The following RBFOX3 variants were observed in gnomAD, a reference collection of about 807,000 sequenced individuals.
RBFOX3 encodes RNA binding fox-1 homolog 3.
In RBFOX3, 17 loss-of-function variants were observed where a neutral mutation model predicts 48.7. That is an observed-to-expected ratio of 0.35 (90% CI 0.24 to 0.52). The LOEUF (loss-of-function observed/expected upper bound fraction) is 0.52. RBFOX3 is among the 20% of genes least tolerant of loss of function. RBFOX3 has a pLI of 0.94. For synonymous variants in RBFOX3, 212 were observed against 209.5 expected (o/e 1.01, Z -0.10); for missense variants, 382 against 497.5 (o/e 0.77, Z 2.21).
In RBFOX3 at chr17:79,392,417, C is replaced by T. The variant is rs546211420; in HGVS notation, c.-174-84593G>A. Among the ~76,000 whole-genome samples, 40 of 152,246 alleles carry T rather than the reference C, an allele frequency of 2.6e-4. No individual in the cohort carries two copies. The highest frequency in any genetic ancestry group is 9.6e-4 in the African/African-American group (40 of 41,552). The stretch of plus-strand genomic sequence containing the variant: ...AAGCTAACTCTCACACGGTAGTGAG[C>T]GCAGGGCCCGGCCACTCACAGGTGC... On this transcript the variant is annotated intron_variant, in intron 2 of 14. Coordinates refer to ENST00000693108, the MANE Select transcript of RBFOX3 (RefSeq NM_001350451.2). The surrounding 1 kb of genome is among the most constrained non-coding windows in gnomAD (Gnocchi z 5.0).
intron 3 of RBFOX3, among the ~76,000 whole-genome samples, chr17:79,241,580 C>G (rs894682934): frequency 1.3e-5 from 2 of 152,270 alleles, no homozygotes; most frequent in Non-Finnish European, 1.5e-5. Context: ...CCACTGTGAC[C>G]ACGTGGAACT....
the RBFOX3 span, among the ~76,000 whole-genome samples, chr17:79,638,314 TTTTTTTA>T: frequency 5.3e-5 from 5 of 93,758 alleles, no homozygotes; most frequent in Non-Finnish European, 1.3e-4. Context: ...GTTTTTTTTT[TTTTTTTA>T]AATAAAATAA....
At chr17:79,267,321 G>T (rs906294233) in intron 3 of RBFOX3, among the ~76,000 whole-genome samples, 1 of 152,160 alleles carries the variant, frequency 6.6e-6, no homozygotes, top group African/African-American at 2.4e-5. Context: ...GTGATGGGAT[G>T]GATGATCTCC....
At chr17:79,453,829 C>T (rs752076110) in intron 2 of RBFOX3, among the ~76,000 whole-genome samples, 14 of 152,074 alleles carry the variant, frequency 9.2e-5, no homozygotes, top group Non-Finnish European at 1.3e-4. Flanking sequence ...CAGCCTGACA[C>T]GCAGGCATGA....
At chr17:79,526,367 C>T (rs2086798807) in intron 1 of RBFOX3, among the ~76,000 whole-genome samples, 1 of 152,224 alleles carries the variant, frequency 6.6e-6, no homozygotes, top group Non-Finnish European at 1.5e-5. Flanking sequence ...AAGTGGCTTC[C>T]TTCCCAAAAG....
intron 2 of RBFOX3, among the ~76,000 whole-genome samples, chr17:79,407,046 G>C (rs566699212): frequency 6.6e-6 from 1 of 152,250 alleles, no homozygotes; most frequent in Admixed American, 6.5e-5. Context: ...TTTCGCTCTT[G>C]TCGCCCAGGC....
intron 4 of RBFOX3, among the ~76,000 whole-genome samples, chr17:79,161,924 T>C (rs1417949447): frequency 1.3e-5 from 2 of 152,172 alleles, no homozygotes; most frequent in Non-Finnish European, 2.9e-5. Context: ...CAGGGCCTCC[T>C]GCCACAATCA....
chr17:79,374,701 C>G (rs1264856057), intron 2 of RBFOX3, among the ~76,000 whole-genome samples: 2 of 152,180 alleles, frequency 1.3e-5, no homozygotes, highest in Non-Finnish European at 2.9e-5. Flanking sequence ...TGTAGGTGTG[C>G]CTGGCTTTTA....
chr17:79,341,076 C>A (rs1275359048), intron 2 of RBFOX3, among the ~76,000 whole-genome samples: 1 of 152,206 alleles, frequency 6.6e-6, no homozygotes, highest in African/African-American at 2.4e-5. Context: ...GATTCAAATA[C>A]CTCTGAGTGT....
chr17:79,187,320 G>T (rs374477517), intron 4 of RBFOX3, among the ~76,000 whole-genome samples: 68 of 152,256 alleles, frequency 4.5e-4, no homozygotes, highest in African/African-American at 1.4e-3. Flanking sequence ...CCTTCCAGGC[G>T]CCCAGGCCGA....
At chr17:79,332,695 C>CAG (rs113874902) in intron 2 of RBFOX3, among the ~76,000 whole-genome samples, 1 of 129,062 alleles carries the variant, frequency 7.7e-6, no homozygotes, top group East Asian at 2.6e-4. Context: ...GAGACGGAGA[C>CAG]AGAGAGAGAG....
At chr17:79,097,596 T>G in intron 10 of RBFOX3, 96 bp downstream of exon 10, 3 of 1,257,008 alleles carry the variant, frequency 2.4e-6, no homozygotes, top group Admixed American at 2.9e-5. Flanking sequence ...ACGGCCCACC[T>G]GGCCCCGCCC....
intron 2 of RBFOX3, among the ~76,000 whole-genome samples, chr17:79,386,241 C>G (rs1366865404): frequency 6.6e-6 from 1 of 151,652 alleles, no homozygotes; most frequent in African/African-American, 2.4e-5. Flanking sequence ...CCATTGCAGA[C>G]AGGAACCTCC....
chr17:79,131,121 G>A (rs1299594789), intron 4 of RBFOX3, among the ~76,000 whole-genome samples: 1 of 151,552 alleles, frequency 6.6e-6, no homozygotes, highest in African/African-American at 2.4e-5. Flanking sequence ...TGTGCGCCCC[G>A]TGTGTGCTGT....
At chr17:79,415,956 T>C (rs903907637) in intron 2 of RBFOX3, among the ~76,000 whole-genome samples, 1 of 151,744 alleles carries the variant, frequency 6.6e-6, no homozygotes, top group African/African-American at 2.4e-5. Context: ...ACTCTGAGAG[T>C]CTCTGCTCCC....
intron 2 of RBFOX3, among the ~76,000 whole-genome samples, chr17:79,463,564 C>T (rs2075827722): frequency 6.8e-6 from 1 of 147,786 alleles, no homozygotes; most frequent in African/African-American, 2.5e-5. Flanking sequence ...CTGACACCTC[C>T]ACCACCATCG....
chr17:79,527,527 C>A (rs1183231139), intron 1 of RBFOX3, among the ~76,000 whole-genome samples: 1 of 152,348 alleles, frequency 6.6e-6, no homozygotes, highest in East Asian at 1.9e-4. Context: ...CTTTGTCTCT[C>A]TCGTGTCTAT....
chr17:79,467,827 G>C (rs1186031070), intron 2 of RBFOX3, among the ~76,000 whole-genome samples: 1 of 152,030 alleles, frequency 6.6e-6, no homozygotes, highest in Non-Finnish European at 1.5e-5. Context: ...CCCAGGAAGG[G>C]ACCTTGAGCA....
At chr17:79,591,983 TG>T (rs1233741334) in intron 1 of RBFOX3, among the ~76,000 whole-genome samples, 1 of 149,488 alleles carries the variant, frequency 6.7e-6, no homozygotes, top group Non-Finnish European at 1.5e-5. Context: ...GCATGTGGTA[TG>T]TGCAGTGTGT....
Sources: gnomAD v4.1 joint callset for allele counts (sites outside exome capture counted in the v4.1 genomes callset) on GRCh38, gnomAD v4.1.1 for gene constraint, Gnocchi (gnomAD v3.1) non-coding constraint, MANE v1.5 for transcripts, NCBI Gene and HGNC (gene_info 2026-07-23, HGNC 2026-07-21) for gene names.